NIT1: variants seen among roughly 807,000 people sequenced by gnomAD.
NIT1 encodes the protein nitrilase 1.
A neutral mutation model predicts 36.8 loss-of-function variants in NIT1; 30 were observed. The observed-to-expected ratio is 0.82, with a 90% CI of 0.61 to 1.11. NIT1 has a LOEUF of 1.11. Among genes scored for constraint, NIT1 ranks in the 50% least tolerant of loss-of-function variants. The pLI is 0.00. For missense variants in NIT1, 438 were observed against 410.6 expected, an observed-to-expected ratio of 1.07 and a Z score of -0.58; for synonymous variants, 151 against 155.6, an observed-to-expected ratio of 0.97 and a Z score of 0.22.
At position 161,119,548 on chromosome 1, in the gene NIT1, G is replaced by C; in HGVS notation, c.393G>C (p.Glu131Asp). The change falls in exon 4 of 7, where the codon GAG becomes GAC. Residue 131 changes from glutamate (E) to aspartate (D), a missense_variant. Glu to Asp is a conservative substitution (Grantham distance 45). Transcript: ENST00000368009. The stretch of plus-strand genomic sequence containing the variant: ...GGCTGTCCTTGGGTGGTTTCCATGA[G>C]CGTGGCCAAGACTGGGAGCAGACTC... ...GLWLSLGGFH[E>D]RGQDWEQTQK... 1 of 1,614,184 alleles carries C rather than the reference G, an allele frequency of 6.2e-7. No individual in the cohort carries two copies. Among genetic ancestry groups the C allele is most frequent in the Non-Finnish European group, 8.5e-7 (1 of 1,180,046 alleles).
At chr1:161,123,137 A>C (rs766997282), downstream of NIT1, 1 of 1,614,152 alleles carries the variant, frequency 6.2e-7, no homozygotes, top group Non-Finnish European at 8.5e-7. Context: ...CTGGCTCCCA[A>C]GTGTGGCTCT....
downstream of NIT1, chr1:161,121,775 T>G (rs1448291438): frequency 1.2e-5 from 2 of 171,196 alleles, no homozygotes; most frequent in African/African-American, 4.8e-5. Context: ...ATTTAAGAGC[T>G]CTCATAAAGC....
downstream of NIT1, among the ~76,000 whole-genome samples, chr1:161,123,455 C>T (rs139697409): frequency 0.014 from 2,137 of 152,052 alleles, 53 homozygotes; most frequent in African/African-American, 0.046. Context: ...CTGGCTAACA[C>T]GGTGAAACCC....
chr1:161,120,295 C>G, intron 6 of NIT1, 63 bp downstream of exon 6: 1 of 1,589,968 alleles, frequency 6.3e-7, no homozygotes, highest in Admixed American at 1.7e-5. Flanking sequence ...CCCCTTGGCC[C>G]TACCAGTTAA....
chr1:161,118,640 A>C, intron 1 of NIT1, 146 bp from the exon 2 acceptor site: 1 of 1,523,818 alleles, frequency 6.6e-7, no homozygotes, highest in East Asian at 2.4e-5. Flanking sequence ...CTTAGCCTAT[A>C]ATTTCTTATA....
chr1:161,119,654 T>G, intron 4 of NIT1, 42 bp downstream of exon 4: 3 of 1,327,988 alleles, frequency 2.3e-6, no homozygotes, highest in Non-Finnish European at 2.1e-6. Context: ...TCCCATGCTC[T>G]TCTACCTAGA....
chr1:161,120,665 G>C lies in NIT1; in HGVS notation c.884G>C (p.Arg295Pro). The C allele has an allele frequency of 6.2e-7, 1 of 1,614,140 alleles. No homozygotes were observed. Among genetic ancestry groups the C allele is most frequent in the Non-Finnish European group, 8.5e-7 (1 of 1,180,044 alleles). Residue 295 changes from arginine (R) to proline (P), a missense_variant, in exon 7 of 7, where the codon CGA (arginine) becomes CCA (proline). Arg to Pro is a moderately radical substitution (Grantham distance 103). Transcript: ENST00000368009. Reference protein sequence around the residue: ...CSEGPGLCLARIDLNYLRQLR... With the variant: ...CSEGPGLCLAPIDLNYLRQLR... ...GAGGGGCCAGGCCTCTGCCTTGCCCGAATAGACCTCAACTATCTGCGACAG... is the reference window on the plus strand; with the variant it reads ...GAGGGGCCAGGCCTCTGCCTTGCCCCAATAGACCTCAACTATCTGCGACAG...
rs1655438952 is a variant in NIT1, at chr1:161,121,066, T to C, written c.*301T>C. The C allele has an allele frequency of 8.2e-7, 1 of 1,223,792 alleles. No homozygotes were observed. Among genetic ancestry groups the C allele is most frequent in the Non-Finnish European group, 1.0e-6 (1 of 972,684 alleles). The allele number at this position is 1,223,792 out of a possible 1,614,324, so 75.8% of individuals were successfully genotyped here. Reference sequence around the variant, plus strand: ...ATTGAAAAATATAATAATCATAAAGTCTGTGTCTGGACATCGCCTTTGGGA... The same window carrying C: ...ATTGAAAAATATAATAATCATAAAGCCTGTGTCTGGACATCGCCTTTGGGA... On this transcript the variant is annotated 3_prime_UTR_variant, in exon 7 of 7. Transcript: ENST00000368009.
chr1:161,121,618 G>C (rs1655495940), downstream of NIT1: 1 of 155,532 alleles, frequency 6.4e-6, no homozygotes, highest in Admixed American at 6.3e-5. Context: ...CAGCACCAGA[G>C]GCCAGGAGAG....
chr1:161,121,839 C>A, downstream of NIT1: 1 of 281,758 alleles, frequency 3.5e-6, no homozygotes, highest in African/African-American at 2.1e-5. Flanking sequence ...CACATCAATC[C>A]CTTACAAAGA....
chr1:161,122,515 G>A, downstream of NIT1: 2 of 1,613,236 alleles, frequency 1.2e-6, no homozygotes. The surrounding 1 kb of genome is among the most constrained non-coding windows in gnomAD (Gnocchi z 4.2). Context: ...CGAACCCGCA[G>A]TCTGATGTCT....
chr1:161,122,019 T>G, downstream of NIT1: 1 of 1,256,404 alleles, frequency 8.0e-7, no homozygotes. The surrounding 1 kb of genome is among the most constrained non-coding windows in gnomAD (Gnocchi z 4.2). Flanking sequence ...TTTTGTCTTT[T>G]TCTTTAAAAA....
In NIT1 at chr1:161,118,783, CAGG is replaced by C; in HGVS notation, c.3-2_3del. ...TGGTGTCCTCATATCTCACCTTCCT[CAGG>C]CTGGGCTTCATCACCAGGCCTCCTC... On this transcript the variant is annotated splice_acceptor_variant and coding_sequence_variant, in exon 2 of 7. Transcript: ENST00000368009. LOFTEE classifies it high-confidence loss of function. 1 of 1,610,746 alleles carries C rather than the reference CAGG, an allele frequency of 6.2e-7. No individual in the cohort carries two copies. Among genetic ancestry groups the C allele is most frequent in the Non-Finnish European group, 8.5e-7 (1 of 1,176,922 alleles).
At position 161,120,881 on chromosome 1, in the gene NIT1, C is replaced by G. The variant is rs547730561; in HGVS notation, c.*116C>G. The G allele has an allele frequency of 7.5e-6, 11 of 1,465,048 alleles. No individual in the cohort carries two copies. In the African/African-American group the frequency reaches 1.3e-4, roughly 17 times the overall value. The allele number at this position is 1,465,048 out of a possible 1,614,324, so 90.8% of individuals were successfully genotyped here. A position where few individuals can be genotyped will look rare whatever the true frequency, so the allele number is the denominator to read the frequency against. ...GCACAGCTCCCCTCACTTGGAGAAC[C>G]TTGACTCTCTTGATGGAACACAGAT... is the stretch of plus-strand genomic sequence containing the variant. On this transcript the variant is annotated 3_prime_UTR_variant, in exon 7 of 7. Transcript: ENST00000368009.
At chr1:161,122,654 T>A, downstream of NIT1, 3 of 1,171,684 alleles carry the variant, frequency 2.6e-6, no homozygotes, top group South Asian at 3.1e-5. This position sits in a 1 kb window ranked among gnomAD's most constrained non-coding sequence, Gnocchi z 4.2. Context: ...CTCTACCTCT[T>A]CCCCAGGACT....
chr1:161,122,899 C>G (rs555435758), downstream of NIT1: 8 of 1,194,564 alleles, frequency 6.7e-6, no homozygotes, highest in Non-Finnish European at 9.8e-6. The surrounding 1 kb of genome is among the most constrained non-coding windows in gnomAD (Gnocchi z 4.2). Flanking sequence ...TGAAATGTAC[C>G]CTGCCACAAT....
downstream of NIT1, chr1:161,123,246 AAACAC>A (rs1429009430): frequency 6.2e-7 from 1 of 1,603,848 alleles, no homozygotes; most frequent in South Asian, 1.1e-5. Flanking sequence ...AAAGGGAAGA[AAACAC>A]AGTAGGGTAA....
At chr1:161,123,352 A>C, downstream of NIT1, 1 of 913,274 alleles carries the variant, frequency 1.1e-6, no homozygotes, top group Non-Finnish European at 1.7e-6. Context: ...TTGAAAAGAC[A>C]TGTGAGACCA....
intron 1 of NIT1, 155 bp downstream of exon 1, chr1:161,118,333 T>C: frequency 6.6e-7 from 1 of 1,525,822 alleles, no homozygotes; most frequent in East Asian, 2.4e-5. Context: ...GCTTGGGGCC[T>C]GGGTTCCTTT....
Sources: gnomAD v4.1 joint callset for allele counts (sites outside exome capture counted in the v4.1 genomes callset) on GRCh38, gnomAD v4.1.1 for gene constraint, Gnocchi (gnomAD v3.1) non-coding constraint, MANE v1.5 for transcripts, NCBI Gene and HGNC (gene_info 2026-07-23, HGNC 2026-07-21) for gene names.